The following HSPA12A variants were observed in gnomAD, a reference collection of about 807,000 sequenced individuals.
The protein encoded by HSPA12A is heat shock 70 kDa protein 12A.
HSPA12A carries 28 observed loss-of-function variants against 69.2 expected under a neutral mutation model. The ratio of observed to expected loss-of-function variants is 0.40; its 90% CI spans 0.30 to 0.55. The LOEUF (loss-of-function observed/expected upper bound fraction) is 0.55. Among genes scored for constraint, HSPA12A ranks in the 20% least tolerant of loss-of-function variants. The pLI is 0.38. For missense variants in HSPA12A, 686 were observed against 900.7 expected (o/e 0.76, Z 3.05); for synonymous variants, 345 against 370.5 (o/e 0.93, Z 0.79).
intron 2 of HSPA12A, among the ~76,000 whole-genome samples, chr10:116,797,268 AG>A (rs773209788): frequency 2.6e-5 from 4 of 152,072 alleles, no homozygotes; most frequent in African/African-American, 4.8e-5. Flanking sequence ...CGGGGCTGAC[AG>A]GCTGCCACTG....
chr10:116,800,955 T>C (rs979817949), intron 2 of HSPA12A, among the ~76,000 whole-genome samples: 1 of 152,224 alleles, frequency 6.6e-6, no homozygotes, highest in Non-Finnish European at 1.5e-5. Context: ...GAAAATCACA[T>C]TTCCTTGCTC....
intron 6 of HSPA12A, 111 bp from the exon 7 acceptor site, chr10:116,684,073 CTGT>C: frequency 2.3e-6 from 2 of 882,888 alleles, no homozygotes; most frequent in Non-Finnish European, 3.3e-6. Context: ...TGCTCTGCAT[CTGT>C]GGGACATTCT....
chr10:116,743,927 A>G (rs1554887591), upstream of HSPA12A, among the ~76,000 whole-genome samples: 2 of 152,232 alleles, frequency 1.3e-5, no homozygotes, highest in East Asian at 3.9e-4. Context: ...TAACAGGAGA[A>G]CCCACTTCAT....
intron 10 of HSPA12A, among the ~76,000 whole-genome samples, chr10:116,679,292 C>T (rs1456512617): frequency 6.6e-6 from 1 of 152,226 alleles, no homozygotes; most frequent in Non-Finnish European, 1.5e-5. Context: ...GAATTCATTG[C>T]ATTCTCACAA....
chr10:116,758,250 C>T (rs545550629), intron 2 of HSPA12A, among the ~76,000 whole-genome samples: 2 of 152,260 alleles, frequency 1.3e-5, no homozygotes, highest in African/African-American at 2.4e-5. Context: ...TGAGAAGCAT[C>T]GCTAGCTCTG....
At chr10:116,766,102 T>C (rs1284562933) in intron 2 of HSPA12A, among the ~76,000 whole-genome samples, 1 of 152,186 alleles carries the variant, frequency 6.6e-6, no homozygotes, top group Non-Finnish European at 1.5e-5. Context: ...CCACCTCCTC[T>C]GCCCCCTCTC....
chr10:116,832,715 G>C (rs987785311), intron 2 of HSPA12A: 1 of 152,126 alleles, frequency 6.6e-6, no homozygotes. Flanking sequence ...CTGCTATCAG[G>C]CCGAAAAAAT....
intron 2 of HSPA12A, among the ~76,000 whole-genome samples, chr10:116,774,637 C>T (rs1422290155): frequency 6.6e-6 from 1 of 152,146 alleles, no homozygotes; most frequent in Non-Finnish European, 1.5e-5. Context: ...GAGTTCATGG[C>T]CCAGATCCAT....
chr10:116,793,092 C>A (rs915383212), intron 2 of HSPA12A, among the ~76,000 whole-genome samples: 1 of 152,110 alleles, frequency 6.6e-6, no homozygotes, highest in African/African-American at 2.4e-5. Context: ...ATTTCAAGAA[C>A]AAGGTGAAAT....
upstream of HSPA12A, among the ~76,000 whole-genome samples, chr10:116,745,931 A>G (rs1225987560): frequency 2.6e-5 from 4 of 152,138 alleles, no homozygotes; most frequent in African/African-American, 9.7e-5. Context: ...TGCAGTGCTG[A>G]GACTAGACCT....
chr10:116,707,565 G>A (rs7080183), intron 1 of HSPA12A, among the ~76,000 whole-genome samples: 5,915 of 152,316 alleles, frequency 0.039, 414 homozygotes, highest in African/African-American at 0.14. Flanking sequence ...AGTTGGAGAT[G>A]CTGGTCAGTC....
chr10:116,847,834 T>C (rs1845921120), intron 1 of HSPA12A, among the ~76,000 whole-genome samples: 1 of 152,164 alleles, frequency 6.6e-6, no homozygotes. Context: ...CAGCCCAGGA[T>C]ACTCGCAATC....
intron 1 of HSPA12A, among the ~76,000 whole-genome samples, chr10:116,840,933 C>T (rs1845792701): frequency 6.6e-6 from 1 of 152,184 alleles, no homozygotes; most frequent in Admixed American, 6.5e-5. Flanking sequence ...TTAACAAGTG[C>T]AGCTCCCTCA....
intron 1 of HSPA12A, among the ~76,000 whole-genome samples, chr10:116,738,631 G>A (rs559186525): frequency 9.2e-5 from 14 of 152,138 alleles, no homozygotes; most frequent in Admixed American, 8.5e-4. Flanking sequence ...ATATCGTAGG[G>A]CCTCAACAAA....
chr10:116,681,813 T>G lies in HSPA12A; in HGVS notation c.900A>C (p.Glu300Asp). 6.2e-7 allele frequency: 1 copy of G among 1,614,054 alleles called. No individual in the cohort carries two copies. Among genetic ancestry groups the G allele is most frequent in the Non-Finnish European group, 8.5e-7 (1 of 1,179,930 alleles). The change falls in exon 8 of 12, where the codon GAA (glutamate) becomes GAC (aspartate). Residue 300 changes from glutamate (E) to aspartate (D), a missense_variant. By Grantham distance (45) the Glu-to-Asp change is conservative (BLOSUM62 2). Coordinates refer to ENST00000369209, the MANE Select transcript of HSPA12A (RefSeq NM_025015.3). ...RTFLVENVIGEIWSELEEGDK... is the reference protein window; with the variant it reads ...RTFLVENVIGDIWSELEEGDK... The stretch of plus-strand genomic sequence containing the variant: ...TACCTTCCTCCAGCTCGGACCAGAT[T>G]TCTCCTATGACATTCTCCACCAAAA...
intron 1 of HSPA12A, chr10:116,849,438 C>T (rs1845984497): frequency 7.7e-7 from 1 of 1,292,642 alleles, no homozygotes; most frequent in African/African-American, 1.5e-5. Context: ...CGACTTTTAC[C>T]GCAGGAAGAA....
intron 2 of HSPA12A, among the ~76,000 whole-genome samples, chr10:116,802,813 G>A (rs1223705864): frequency 6.6e-6 from 1 of 152,230 alleles, no homozygotes; most frequent in East Asian, 1.9e-4. Context: ...GGGCTTGGCC[G>A]TATCATGGGC....
intron 1 of HSPA12A, among the ~76,000 whole-genome samples, chr10:116,741,721 G>A (rs1428154294): frequency 1.3e-5 from 2 of 152,048 alleles, no homozygotes; most frequent in African/African-American, 2.4e-5. Flanking sequence ...CAAAGAAAGC[G>A]GCCCTAGCAC....
rs1849578659 is a variant in HSPA12A at position 116,686,449 on chromosome 10, A to G, written c.664-2487T>C. 6.6e-6 allele frequency among the ~76,000 whole-genome samples: 1 copy of G among 152,192 alleles called. No homozygotes were observed. ...GCTGCAAAGAAACTGCCAGGCCTGTATGTATACAATTCTCCTCCAAAGTTC... is the reference window on the plus strand; with the variant it reads ...GCTGCAAAGAAACTGCCAGGCCTGTGTGTATACAATTCTCCTCCAAAGTTC... On this transcript the variant is annotated intron_variant, in intron 6 of 11. Coordinates refer to ENST00000369209, the MANE Select transcript of HSPA12A (RefSeq NM_025015.3). This position sits in a 1 kb window ranked among gnomAD's most constrained non-coding sequence, Gnocchi z 4.1.
Sources: allele counts gnomAD v4.1 joint callset (sites outside exome capture counted in the v4.1 genomes callset), GRCh38; gene constraint gnomAD v4.1.1; non-coding constraint Gnocchi (gnomAD v3.1); transcripts MANE v1.5; gene names NCBI Gene and HGNC (gene_info 2026-07-23, HGNC 2026-07-21).